Variants in SORCS1 observed in about 807,000 individuals in gnomAD.
SORCS1 encodes sortilin related VPS10 domain containing receptor 1, also known as VPS10 domain-containing receptor SorCS1.
A neutral mutation model predicts 146.1 loss-of-function variants in SORCS1; 60 were observed. That is an observed-to-expected ratio of 0.41 (90% CI 0.33 to 0.51). The LOEUF (loss-of-function observed/expected upper bound fraction) is 0.51. SORCS1 is among the 20% of genes least tolerant of loss of function. SORCS1 has a pLI of 0.21. For synonymous variants in SORCS1, 637 were observed against 584.0 expected (o/e 1.09, Z -1.31); for missense variants, 1,352 against 1,487.6 (o/e 0.91, Z 1.50).
intron 1 of SORCS1, among the ~76,000 whole-genome samples, chr10:107,031,575 G>A (rs1958658086): frequency 6.6e-6 from 1 of 151,674 alleles, no homozygotes; most frequent in Non-Finnish European, 1.5e-5. Flanking sequence ...GCCTCAAAAT[G>A]TGAATGACAA....
rs1439615454 is a variant in SORCS1, at chr10:107,164,107, A to T, written c.420T>A (p.Pro140=). The T allele has an allele frequency of 1.9e-6, 3 of 1,613,670 alleles. No individual in the cohort carries two copies. The Admixed American group carries it at 5.0e-5, about 27-fold the overall frequency. ...GVLRDGGQQE[P]GTRERDPDKA... ...TGTCCGGGTCCCGCTCCCGAGTCCC[A>T]GGCTCCTGCTGCCCTCCATCTCTTA... is the stretch of plus-strand genomic sequence containing the variant. Residue 140 remains proline, a synonymous_variant, in exon 1 of 26, where the codon CCT becomes CCA. Coordinates refer to ENST00000263054, the MANE Select transcript of SORCS1 (RefSeq NM_052918.5). The surrounding 1 kb of genome is among the most constrained non-coding windows in gnomAD (Gnocchi z 6.8).
intron 1 of SORCS1, among the ~76,000 whole-genome samples, chr10:107,018,376 C>T (rs1484736596): frequency 2.6e-5 from 4 of 151,280 alleles, no homozygotes; most frequent in East Asian, 2.0e-4. Context: ...TAAGTAGAGA[C>T]GGGGTTTCAC....
At chr10:106,689,247 A>C (rs190164406) in intron 9 of SORCS1, among the ~76,000 whole-genome samples, 2 of 152,244 alleles carry the variant, frequency 1.3e-5, no homozygotes, top group African/African-American at 4.8e-5. Context: ...TGTGCATTAC[A>C]TTTTTCTTGT....
At chr10:106,607,093 A>C in intron 23 of SORCS1, 73 bp downstream of exon 23, 1 of 1,572,386 alleles carries the variant, frequency 6.4e-7, no homozygotes, top group Non-Finnish European at 8.6e-7. Flanking sequence ...ATGGGTCAGA[A>C]ATGGAGGCTT....
At chr10:107,001,554 C>G (rs1318172407) in intron 1 of SORCS1, among the ~76,000 whole-genome samples, 1 of 152,204 alleles carries the variant, frequency 6.6e-6, no homozygotes, top group Non-Finnish European at 1.5e-5. Flanking sequence ...ACCTCCGTCT[C>G]CCGGGTTCAA....
intron 3 of SORCS1, among the ~76,000 whole-genome samples, chr10:106,789,013 A>G (rs1309427798): frequency 6.6e-6 from 1 of 152,158 alleles, no homozygotes; most frequent in Non-Finnish European, 1.5e-5. Flanking sequence ...CCAAATCTCA[A>G]TTCTTGACTT....
At chr10:106,586,077 T>C (rs1411677659) in intron 24 of SORCS1, among the ~76,000 whole-genome samples, 1 of 152,234 alleles carries the variant, frequency 6.6e-6, no homozygotes, top group Non-Finnish European at 1.5e-5. Context: ...CAATAGCTTA[T>C]TTACTTTCCT....
chr10:107,164,808 A>G (rs1247971260), upstream of SORCS1, among the ~76,000 whole-genome samples: 2 of 147,524 alleles, frequency 1.4e-5, no homozygotes, highest in East Asian at 2.0e-4. This position sits in a 1 kb window ranked among gnomAD's most constrained non-coding sequence, Gnocchi z 6.8. Context: ...GCGACGCGGG[A>G]GGGAGGGCAG....
At chr10:106,992,602 C>A (rs1038302392) in intron 1 of SORCS1, among the ~76,000 whole-genome samples, 4 of 151,854 alleles carry the variant, frequency 2.6e-5, no homozygotes, top group African/African-American at 7.3e-5. Context: ...TCCAGTGCTC[C>A]TCCCACCTCA....
At chr10:107,166,027 T>C (rs967845790), upstream of SORCS1, among the ~76,000 whole-genome samples, 1 of 152,228 alleles carries the variant, frequency 6.6e-6, no homozygotes, top group African/African-American at 2.4e-5. Flanking sequence ...CTTTTTAAAG[T>C]AGACAGTTTG....
chr10:106,644,569 G>A (rs1849284997), intron 18 of SORCS1, among the ~76,000 whole-genome samples: 1 of 152,056 alleles, frequency 6.6e-6, no homozygotes, highest in African/African-American at 2.4e-5. Context: ...GTTTCACTGT[G>A]ATGGCTAGGC....
At chr10:106,840,796 T>C (rs1260944551) in intron 2 of SORCS1, among the ~76,000 whole-genome samples, 2 of 150,476 alleles carry the variant, frequency 1.3e-5, no homozygotes, top group Admixed American at 6.7e-5. Flanking sequence ...AAAAAGATTA[T>C]AATTCACTGA....
intron 1 of SORCS1, among the ~76,000 whole-genome samples, chr10:106,974,035 C>A (rs1218603202): frequency 6.6e-6 from 1 of 152,034 alleles, no homozygotes; most frequent in African/African-American, 2.4e-5. Context: ...GAGGCTTTTT[C>A]TTCCATTTAC....
At chr10:106,730,260 T>C (rs111687867) in intron 5 of SORCS1, 146 bp from the exon 6 acceptor site, 4 of 665,496 alleles carry the variant, frequency 6.0e-6, no homozygotes, top group African/African-American at 3.6e-5. Flanking sequence ...TATGTATTTA[T>C]ACAGCCTGAC....
chr10:106,861,695 T>C (rs1266774625), intron 2 of SORCS1, among the ~76,000 whole-genome samples: 1 of 151,948 alleles, frequency 6.6e-6, no homozygotes, highest in Non-Finnish European at 1.5e-5. Flanking sequence ...ATCAACACCA[T>C]CCTGGCCAAC....
chr10:106,770,849 T>C (rs1859967045), intron 4 of SORCS1, among the ~76,000 whole-genome samples: 1 of 152,232 alleles, frequency 6.6e-6, no homozygotes, highest in South Asian at 2.1e-4. Context: ...CCAGCCTGTT[T>C]TGTTCAGTTG....
intron 19 of SORCS1, among the ~76,000 whole-genome samples, chr10:106,625,656 A>G (rs1229419499): frequency 6.6e-6 from 1 of 152,156 alleles, no homozygotes; most frequent in Non-Finnish European, 1.5e-5. Flanking sequence ...AGCTACACAG[A>G]TCATTTTACT....
intron 5 of SORCS1, among the ~76,000 whole-genome samples, chr10:106,743,176 G>A (rs1414405734): frequency 1.3e-5 from 2 of 152,038 alleles, no homozygotes; most frequent in Non-Finnish European, 2.9e-5. Context: ...GGAGGGAAAG[G>A]GAAAGAGAGG....
At chr10:106,579,324 A>G (rs1213707673) in intron 25 of SORCS1, 45 bp downstream of exon 25, 2 of 1,613,918 alleles carry the variant, frequency 1.2e-6, no homozygotes, top group African/African-American at 2.7e-5. Flanking sequence ...GTCAGGGAGA[A>G]GGAAGAGGTC....
Sources: allele counts gnomAD v4.1 joint callset (sites outside exome capture counted in the v4.1 genomes callset), GRCh38; gene constraint gnomAD v4.1.1; non-coding constraint Gnocchi (gnomAD v3.1); transcripts MANE v1.5; gene names NCBI Gene and HGNC (gene_info 2026-07-23, HGNC 2026-07-21).